The following HECTD4 variants were observed in gnomAD, a reference collection of about 807,000 sequenced individuals.
HECTD4 encodes probable E3 ubiquitin-protein ligase HECTD4.
HECTD4 carries 114 observed loss-of-function variants against 471.5 expected under a neutral mutation model. The ratio of observed to expected loss-of-function variants is 0.24; its 90% CI spans 0.21 to 0.28. HECTD4 has a LOEUF of 0.28. Among genes scored for constraint, HECTD4 ranks in the 10% least tolerant of loss-of-function variants. The pLI, the probability that HECTD4 is intolerant of heterozygous loss-of-function variation, is 1.00. For missense variants in HECTD4, 3,866 were observed against 5,651.5 expected, an observed-to-expected ratio of 0.68 and a Z score of 10.13; for synonymous variants, 2,012 against 2,256.0, an observed-to-expected ratio of 0.89 and a Z score of 3.07.
chr12:112,365,005 C>T (rs2135753436), intron 1 of HECTD4, among the ~76,000 whole-genome samples: 1 of 152,224 alleles, frequency 6.6e-6, no homozygotes, highest in Non-Finnish European at 1.5e-5. Context: ...TGATTATGTT[C>T]CAATAAAACT....
chr12:112,208,369 G>T, intron 51 of HECTD4, 125 bp downstream of exon 51: 1 of 944,932 alleles, frequency 1.1e-6, no homozygotes, highest in Non-Finnish European at 1.5e-6. Context: ...GCACAATGAT[G>T]TCACTGAGAG....
At chr12:112,300,757 C>T (rs2035146237) in intron 7 of HECTD4, among the ~76,000 whole-genome samples, 1 of 152,064 alleles carries the variant, frequency 6.6e-6, no homozygotes, top group African/African-American at 2.4e-5. Context: ...GCCATCATGC[C>T]TGCATAATCT....
Position 112,163,405 on chromosome 12 carries a change from T to C in HECTD4, c.12897+137A>G. On this transcript the variant is annotated intron_variant, in intron 74 of 75. Transcript: ENST00000682272. This position sits in a 1 kb window ranked among gnomAD's most constrained non-coding sequence, Gnocchi z 8.2. ...TGTGAGCACAGGGAGATGACAATGATGACAATGATACAGGTCTGTGGCAAG... is the reference window on the plus strand; with the variant it reads ...TGTGAGCACAGGGAGATGACAATGACGACAATGATACAGGTCTGTGGCAAG... 1 of 1,034,068 alleles carries C rather than the reference T, an allele frequency of 9.7e-7. No homozygotes were observed. The highest frequency in any genetic ancestry group is 1.4e-6 in the Non-Finnish European group (1 of 715,794). 64.1% of individuals were successfully genotyped at this position (1,034,068 alleles called of 1,614,324 possible).
rs772700933 is a variant in HECTD4 at position 112,265,934 on chromosome 12, G to A, written c.2442C>T (p.Asn814=). ...GGTTGTTTTGGAGCTGTTCAGCCAG[G>A]TTGGTTAGGATCACATCCCGTAGCT... The part of the protein sequence containing the change: ...LSQLRDVILT[N]LAEQLQNNRF... The change falls in exon 15 of 76, where the codon AAC becomes AAT. Residue 814 remains asparagine (N), a synonymous_variant. Coordinates refer to ENST00000682272, the MANE Select transcript of HECTD4 (RefSeq NM_001388303.1). 6 of 1,613,846 alleles carry A rather than the reference G, an allele frequency of 3.7e-6. No homozygotes were observed. Among genetic ancestry groups the A allele is most frequent in the Non-Finnish European group, 5.1e-6 (6 of 1,179,892 alleles).
chr12:112,377,289 A>G (rs1214889630), intron 1 of HECTD4, among the ~76,000 whole-genome samples: 1 of 151,860 alleles, frequency 6.6e-6, no homozygotes, highest in Admixed American at 6.6e-5. Flanking sequence ...AAAAAATAAA[A>G]CAAAAAAACG....
At chr12:112,365,766 T>G (rs1274201792) in intron 1 of HECTD4, among the ~76,000 whole-genome samples, 1 of 116,638 alleles carries the variant, frequency 8.6e-6, no homozygotes, top group African/African-American at 3.2e-5. Context: ...TTTGTGTTTT[T>G]TTTTTGTTTT....
Position 112,256,405 on chromosome 12 carries a change from A to C in HECTD4, c.3242T>G (p.Phe1081Cys). ...TCCTGGGATATGGACCGTTTCTTTA[A>C]ATTTATAGTTGTCTCTGACGGGGTG... ...TVHPVRDNYKFKETVHIPGAR... is the reference protein window; with the variant it reads ...TVHPVRDNYKCKETVHIPGAR... The change falls in exon 21 of 76, where the codon TTT becomes TGT. Residue 1081 changes from phenylalanine (F) to cysteine (C), a missense_variant. By Grantham distance (205) the Phe-to-Cys change is radical. Coordinates refer to ENST00000682272, the MANE Select transcript of HECTD4 (RefSeq NM_001388303.1). 6.2e-7 allele frequency: 1 copy of C among 1,613,232 alleles called. No homozygotes were observed. The highest frequency in any genetic ancestry group is 8.5e-7 in the Non-Finnish European group (1 of 1,179,560).
intron 18 of HECTD4, among the ~76,000 whole-genome samples, chr12:112,260,072 T>C (rs1474200404): frequency 6.6e-6 from 1 of 152,188 alleles, no homozygotes; most frequent in Non-Finnish European, 1.5e-5. Flanking sequence ...CACAACTCTT[T>C]TTGTGTTATA....
In HECTD4 at chr12:112,289,928, C is replaced by T. The variant is rs530501218; in HGVS notation, c.1336-6626G>A. ...CTGACCTCAGGTAATCCTCCCGCTT[C>T]GGCCTCCCAAAGTGCTGGGATTACA... On this transcript the variant is annotated intron_variant, in intron 7 of 75. Transcript: ENST00000682272. 8.5e-5 allele frequency among the ~76,000 whole-genome samples: 13 copies of T among 152,216 alleles called. No homozygotes were observed. The South Asian group carries it at 1.2e-3, about 15-fold the overall frequency.
Position 112,265,210 on chromosome 12 carries a change from T to C in HECTD4, c.2584A>G (p.Lys862Glu), listed in dbSNP as rs753316725. 6.2e-7 allele frequency: 1 copy of C among 1,607,610 alleles called. No homozygotes were observed. The highest frequency in any genetic ancestry group is 8.5e-7 in the Non-Finnish European group (1 of 1,176,972). ...GAAAGGAGCTTTTGAAAATCATCTT[T>C]AGAGACAGTTTGGCACTTGGTGATT... ...ILITKCQTVS[K>E]DDFQKLLSTV... Residue 862 changes from lysine (K) to glutamate (E), a missense_variant, in exon 16 of 76, where the codon AAA becomes GAA. This residue lies in a region of HECTD4 where 525 missense variants were observed against 672.6 expected (regional missense o/e 0.78). Coordinates refer to ENST00000682272, the MANE Select transcript of HECTD4 (RefSeq NM_001388303.1).
intron 7 of HECTD4, among the ~76,000 whole-genome samples, chr12:112,288,771 G>A (rs1237643137): frequency 6.6e-6 from 1 of 152,192 alleles, no homozygotes; most frequent in Non-Finnish European, 1.5e-5. Flanking sequence ...AGGCCCTAGA[G>A]GATGACAGGC....
Position 112,339,478 on chromosome 12 carries a change from T to C in HECTD4, c.178-19736A>G, listed in dbSNP as rs147296504. On this transcript the variant is annotated intron_variant, in intron 1 of 75. Transcript: ENST00000682272. ...CAAAATTCAGAAGGGCAGTTTCCTA[T>C]GTGGAAGAGAGGGAGTGTTGGTCTT... 1.4e-4 allele frequency among the ~76,000 whole-genome samples: 22 copies of C among 152,144 alleles called. No homozygotes were observed. In the East Asian group the frequency reaches 3.3e-3, roughly 23 times the overall value.
At chr12:112,370,459 G>A (rs541124948) in intron 1 of HECTD4, among the ~76,000 whole-genome samples, 1 of 152,276 alleles carries the variant, frequency 6.6e-6, no homozygotes, top group East Asian at 1.9e-4. Flanking sequence ...CTAGAGTCTT[G>A]TGCAGCACTT....
chr12:112,331,634 T>C (rs931646338), intron 1 of HECTD4, among the ~76,000 whole-genome samples: 1 of 152,202 alleles, frequency 6.6e-6, no homozygotes, highest in African/African-American at 2.4e-5. Flanking sequence ...ATAATTGTTA[T>C]GACATTAAAG....
At chr12:112,270,174 G>A in intron 12 of HECTD4, 53 bp downstream of exon 12, 1 of 1,506,240 alleles carries the variant, frequency 6.6e-7, no homozygotes, top group South Asian at 1.2e-5. Flanking sequence ...TGAAGCCAAG[G>A]TTTGCGTTTC....
At chr12:112,363,656 C>A (rs920447922) in intron 1 of HECTD4, among the ~76,000 whole-genome samples, 1 of 151,980 alleles carries the variant, frequency 6.6e-6, no homozygotes, top group African/African-American at 2.4e-5. Context: ...TTATTCTCTA[C>A]ATAAAATGCA....
At chr12:112,187,374 A>AATGT (rs1489187092) in intron 60 of HECTD4, among the ~76,000 whole-genome samples, 2 of 151,988 alleles carry the variant, frequency 1.3e-5, no homozygotes, top group Admixed American at 6.6e-5. Flanking sequence ...ATTTTCTTTG[A>AATGT]ATGTATGTAT....
rs540882841 is a variant in HECTD4 at position 112,295,932 on chromosome 12, G to A, written c.1335+10132C>T. ...CCACCTTGGCCTCCCAAAGTGCTGG[G>A]ATTACAGGTGTGAGCCACTGTGCCT... is the stretch of plus-strand genomic sequence containing the variant. On this transcript the variant is annotated intron_variant, in intron 7 of 75. Transcript: ENST00000682272. Among the ~76,000 whole-genome samples, 20 of 152,234 alleles carry A rather than the reference G, an allele frequency of 1.3e-4. 1 individual carries two copies. Among genetic ancestry groups the A allele is most frequent in the African/African-American group, 4.6e-4 (19 of 41,544 alleles).
At chr12:112,242,182 G>A (rs2033656183) in intron 32 of HECTD4, among the ~76,000 whole-genome samples, 1 of 152,170 alleles carries the variant, frequency 6.6e-6, no homozygotes, top group African/African-American at 2.4e-5. Flanking sequence ...TAGGCAGAAG[G>A]AGGTTGTTAA....
Sources: gnomAD v4.1 joint callset for allele counts (sites outside exome capture counted in the v4.1 genomes callset) on GRCh38, gnomAD v4.1.1 for gene constraint, gnomAD v4.1.1 regional missense constraint, Gnocchi (gnomAD v3.1) non-coding constraint, MANE v1.5 for transcripts, NCBI Gene and HGNC (gene_info 2026-07-23, HGNC 2026-07-21) for gene names.